The following CTNNA3 variants were observed in gnomAD, a reference collection of about 807,000 sequenced individuals.
CTNNA3 encodes catenin alpha 3, also known as catenin alpha-3.
Under a neutral mutation model 95.7 loss-of-function variants are expected in CTNNA3, and 76 were observed. The observed-to-expected ratio is 0.79, with a 90% confidence interval of 0.66 to 0.96. The LOEUF (loss-of-function observed/expected upper bound fraction) is 0.96. CTNNA3 is among the 40% of genes least tolerant of loss of function. The pLI is 0.00. For missense variants in CTNNA3, 1,191 were observed against 1,089.8 expected, an observed-to-expected ratio of 1.09 and a Z score of -1.31; for synonymous variants, 431 against 374.4, an observed-to-expected ratio of 1.15 and a Z score of -1.74.
intron 5 of CTNNA3, among the ~76,000 whole-genome samples, chr10:67,260,321 T>C (rs1337872620): frequency 6.6e-6 from 1 of 152,214 alleles, no homozygotes; most frequent in African/African-American, 2.4e-5. Flanking sequence ...GTCTTATGTA[T>C]GAAAAGGATT....
chr10:67,363,276 T>C (rs1180048180), intron 5 of CTNNA3, among the ~76,000 whole-genome samples: 2 of 151,892 alleles, frequency 1.3e-5, no homozygotes, highest in African/African-American at 4.8e-5. Context: ...CTGAAACTCA[T>C]ATAAAACCAA....
chr10:67,330,941 T>G (rs948763471), intron 5 of CTNNA3, among the ~76,000 whole-genome samples: 4 of 152,150 alleles, frequency 2.6e-5, no homozygotes, highest in African/African-American at 4.8e-5. Context: ...GTGGACAAAA[T>G]GGTGGAATTC....
At chr10:66,025,237 G>A (rs56302625) in intron 15 of CTNNA3, among the ~76,000 whole-genome samples, 36,539 of 151,932 alleles carry the variant, frequency 0.24, 4,734 homozygotes, top group East Asian at 0.51. Context: ...ATGAGGACAA[G>A]GTCACAGATT....
chr10:66,247,022 C>G lies in CTNNA3; in HGVS notation c.1884+33448G>C, dbSNP rs551565844. On this transcript the variant is annotated intron_variant, in intron 13 of 17. Transcript: ENST00000433211. ...CCAAGACTGTGCCAGTGCACTCCAGCCTGGTGACACAGCAAGACTCCATCT... is the reference window on the plus strand; with the variant it reads ...CCAAGACTGTGCCAGTGCACTCCAGGCTGGTGACACAGCAAGACTCCATCT... Among the ~76,000 whole-genome samples the G allele has an allele frequency of 4.8e-5, 7 of 145,698 alleles. No individual in the cohort carries two copies. In the South Asian group the frequency reaches 1.1e-3, roughly 23 times the overall value.
chr10:66,301,659 A>T (rs2132229883), intron 12 of CTNNA3, among the ~76,000 whole-genome samples: 1 of 152,100 alleles, frequency 6.6e-6, no homozygotes, highest in South Asian at 2.1e-4. Flanking sequence ...CATTTGACAA[A>T]ATCCTACACC....
chr10:66,987,731 C>T (rs557385930), intron 7 of CTNNA3, among the ~76,000 whole-genome samples: 5 of 152,060 alleles, frequency 3.3e-5, no homozygotes, highest in Admixed American at 1.3e-4. Flanking sequence ...AAGATGCTGG[C>T]AAAATAAAAA....
At chr10:66,561,413 A>C (rs1842549491) in intron 10 of CTNNA3, among the ~76,000 whole-genome samples, 1 of 152,110 alleles carries the variant, frequency 6.6e-6, no homozygotes, top group Non-Finnish European at 1.5e-5. Flanking sequence ...TATTGTCTTA[A>C]TTAATGCTCA....
chr10:66,289,784 T>C lies in CTNNA3; in HGVS notation c.1733-9163A>G, dbSNP rs74566938. Among the ~76,000 whole-genome samples the C allele has an allele frequency of 3.2e-3, 489 of 152,142 alleles. 3 individuals carry two copies. The highest frequency in any genetic ancestry group is 0.011 in the African/African-American group (474 of 41,560). On this transcript the variant is annotated intron_variant, in intron 12 of 17. Coordinates refer to ENST00000433211, the MANE Select transcript of CTNNA3 (RefSeq NM_013266.4). ...ACAAGAAAATGAAGTTTTATAACCA[T>C]GCTAAGCATGTTTAAAGTAGTTATA...
At chr10:67,167,167 G>A (rs1208674789) in intron 7 of CTNNA3, among the ~76,000 whole-genome samples, 2 of 152,072 alleles carry the variant, frequency 1.3e-5, no homozygotes, top group Non-Finnish European at 2.9e-5. Flanking sequence ...CTGAGGTTTG[G>A]CTGGGCTCAG....
At chr10:67,374,174 G>T (rs1014636756) in intron 5 of CTNNA3, among the ~76,000 whole-genome samples, 6 of 152,044 alleles carry the variant, frequency 3.9e-5, no homozygotes, top group African/African-American at 1.4e-4. Flanking sequence ...AAGGTTTGTT[G>T]GCCATATGGT....
At chr10:67,383,761 A>G (rs1589236657) in intron 5 of CTNNA3, among the ~76,000 whole-genome samples, 1 of 152,358 alleles carries the variant, frequency 6.6e-6, no homozygotes, top group Non-Finnish European at 1.5e-5. Context: ...TGGCAGCTGC[A>G]TGCAAAACAT....
In CTNNA3 at chr10:67,218,395, A is replaced by G. The variant is rs531371121; in HGVS notation, c.843+1212T>C. ...AGGGTAGAGTAACCTGCATCCAGTGACTGAAAGAGACATACAGGCCTGGCC... is the reference window on the plus strand; with the variant it reads ...AGGGTAGAGTAACCTGCATCCAGTGGCTGAAAGAGACATACAGGCCTGGCC... On this transcript the variant is annotated intron_variant, in intron 6 of 17. Transcript: ENST00000433211. Among the ~76,000 whole-genome samples the G allele has an allele frequency of 3.0e-4, 46 of 152,300 alleles. 1 individual carries two copies. The South Asian group carries it at 3.1e-3, about 10-fold the overall frequency.
intron 1 of CTNNA3, among the ~76,000 whole-genome samples, chr10:67,727,069 A>G (rs1453385974): frequency 8.6e-6 from 1 of 115,946 alleles, no homozygotes; most frequent in East Asian, 2.3e-4. Flanking sequence ...TATATATAAT[A>G]TATGATACAT....
intron 13 of CTNNA3, among the ~76,000 whole-genome samples, chr10:66,266,164 G>A (rs982266501): frequency 2.1e-5 from 3 of 140,382 alleles, no homozygotes; most frequent in Non-Finnish European, 4.7e-5. Context: ...AGGAAAGAAG[G>A]AAGGAAGGAA....
intron 9 of CTNNA3, among the ~76,000 whole-genome samples, chr10:66,640,788 T>C (rs1384825305): frequency 6.6e-6 from 1 of 152,200 alleles, no homozygotes; most frequent in East Asian, 1.9e-4. Context: ...TCCTTTGACT[T>C]TTTCCCCTTT....
intron 7 of CTNNA3, among the ~76,000 whole-genome samples, chr10:66,829,477 G>A (rs1293931207): frequency 6.6e-6 from 1 of 151,836 alleles, no homozygotes; most frequent in Non-Finnish European, 1.5e-5. Context: ...GCCGGCCATG[G>A]TGGCACACAC....
chr10:67,300,119 C>G (rs1272415744), intron 5 of CTNNA3, among the ~76,000 whole-genome samples: 1 of 152,180 alleles, frequency 6.6e-6, no homozygotes, highest in African/African-American at 2.4e-5. Context: ...GCCCAGCAAC[C>G]TGGGTTTTAG....
chr10:66,844,877 C>T (rs1261853602), intron 7 of CTNNA3, among the ~76,000 whole-genome samples: 3 of 152,100 alleles, frequency 2.0e-5, no homozygotes, highest in Admixed American at 1.3e-4. Context: ...GTTAAGTGTC[C>T]TTCCTTCTAA....
At chr10:67,376,214 T>C (rs1050077371) in intron 5 of CTNNA3, among the ~76,000 whole-genome samples, 2 of 152,118 alleles carry the variant, frequency 1.3e-5, no homozygotes, top group African/African-American at 4.8e-5. Flanking sequence ...TCTATGTCTT[T>C]TATCAGGAAA....
Sources: allele counts gnomAD v4.1 joint callset (sites outside exome capture counted in the v4.1 genomes callset), GRCh38; gene constraint gnomAD v4.1.1; transcripts MANE v1.5; gene names NCBI Gene and HGNC (gene_info 2026-07-23, HGNC 2026-07-21).